CASD1: variants seen among roughly 807,000 people sequenced by gnomAD.
The protein encoded by CASD1 is CAS1 domain sialic acid O acetyltransferase 1.
Under a neutral mutation model 100.0 loss-of-function variants are expected in CASD1, and 41 were observed. That is an observed-to-expected ratio of 0.41 (90% CI 0.32 to 0.53). CASD1 has a LOEUF of 0.53. Among genes scored for constraint, CASD1 ranks in the 20% least tolerant of loss-of-function variants. The pLI, the probability that CASD1 is intolerant of heterozygous loss-of-function variation, is 0.25. For missense variants in CASD1, 774 were observed against 948.7 expected (o/e 0.82, Z 2.42); for synonymous variants, 321 against 315.6 (o/e 1.02, Z -0.18).
chr7:94,567,100 C>T, the CASD1 span, among the ~76,000 whole-genome samples: 1 of 151,970 alleles, frequency 6.6e-6, no homozygotes, highest in South Asian at 2.1e-4. Flanking sequence ...TTTAGTCTTA[C>T]TGCTTCCATC....
Position 94,533,208 on chromosome 7 carries a change from T to A in CASD1, c.463T>A (p.Ser155Thr). ...ATAAAGATTTGTCTTCCTTTAGGAT[T>A]CCATTGCAAAGCCACATGTGATTGT... ...KQCIKVWTEDSIAKPHVIVAG... is the reference protein window; with the variant it reads ...KQCIKVWTEDTIAKPHVIVAG... Residue 155 changes from serine (S) to threonine (T), a missense_variant, in exon 6 of 18, where the codon TCC becomes ACC. Transcript: ENST00000297273. 6.2e-7 allele frequency: 1 copy of A among 1,606,928 alleles called. No individual in the cohort carries two copies. The highest frequency in any genetic ancestry group is 8.5e-7 in the Non-Finnish European group (1 of 1,174,988).
chr7:94,521,970 A>C (rs1339778458), intron 3 of CASD1, among the ~76,000 whole-genome samples: 1 of 152,208 alleles, frequency 6.6e-6, no homozygotes, highest in Non-Finnish European at 1.5e-5. Flanking sequence ...CTGTAGTCCC[A>C]GCTATCGGGA....
Position 94,509,887 on chromosome 7 carries a change from G to A in CASD1, c.-198G>A. The A allele has an allele frequency of 6.6e-6, 7 of 1,055,204 alleles. No individual in the cohort carries two copies. The highest frequency in any genetic ancestry group is 8.0e-6 in the Non-Finnish European group (7 of 875,494). The allele number at this position is 1,055,204 out of a possible 1,614,324, so 65.4% of individuals were successfully genotyped here. On this transcript the variant is annotated 5_prime_UTR_variant, in exon 1 of 18. Transcript: ENST00000297273. ...GGGCTGGGGGGAGGCCGCCGAGTCG[G>A]CCGCGGCCGAGGAGGGGCAGGCGGA...
chr7:94,547,805 A>G (rs1277394002), intron 13 of CASD1, among the ~76,000 whole-genome samples: 2 of 151,788 alleles, frequency 1.3e-5, no homozygotes, highest in Non-Finnish European at 2.9e-5. Context: ...ACACATTTTA[A>G]TTCAAATGCC....
the CASD1 span, among the ~76,000 whole-genome samples, chr7:94,581,988 A>C: frequency 6.6e-6 from 1 of 152,098 alleles, no homozygotes; most frequent in Non-Finnish European, 1.5e-5. Flanking sequence ...TTACACTCCC[A>C]CCAACAGTGT....
chr7:94,522,213 T>C (rs987063424), intron 3 of CASD1, among the ~76,000 whole-genome samples: 1 of 152,058 alleles, frequency 6.6e-6, no homozygotes, highest in African/African-American at 2.4e-5. Context: ...AAAAGACATA[T>C]TTAAAATAAG....
At chr7:94,541,767 G>T (rs1250513920) in intron 10 of CASD1, among the ~76,000 whole-genome samples, 1 of 151,776 alleles carries the variant, frequency 6.6e-6, no homozygotes, top group Non-Finnish European at 1.5e-5. Context: ...TTTGAATATG[G>T]ATCATACAGT....
chr7:94,535,179 A>G (rs145060124), intron 7 of CASD1, 130 bp from the exon 8 acceptor site: 6 of 658,640 alleles, frequency 9.1e-6, no homozygotes, highest in African/African-American at 3.6e-5. Context: ...AAAATGAACT[A>G]TTAGGTACCT....
At chr7:94,531,949 T>C (rs1434768161) in intron 5 of CASD1, among the ~76,000 whole-genome samples, 1 of 152,128 alleles carries the variant, frequency 6.6e-6, no homozygotes, top group Non-Finnish European at 1.5e-5. Context: ...AATATCATCT[T>C]GCCTGCCCCA....
chr7:94,632,020 G>A, the CASD1 span, among the ~76,000 whole-genome samples: 16 of 152,088 alleles, frequency 1.1e-4, no homozygotes, highest in African/African-American at 3.9e-4. Context: ...GAATGGATGA[G>A]TACATTCTAA....
chr7:94,605,514 G>A, the CASD1 span, among the ~76,000 whole-genome samples: 1 of 151,242 alleles, frequency 6.6e-6, no homozygotes, highest in South Asian at 2.1e-4. Context: ...ATAAATGACA[G>A]CAATGATACA....
At chr7:94,616,305 G>A in the CASD1 span, among the ~76,000 whole-genome samples, 1 of 152,030 alleles carries the variant, frequency 6.6e-6, no homozygotes, top group Non-Finnish European at 1.5e-5. Context: ...CTTATTACTT[G>A]TGGCTGACAT....
At chr7:94,524,913 A>G (rs1794480757) in intron 3 of CASD1, among the ~76,000 whole-genome samples, 1 of 152,200 alleles carries the variant, frequency 6.6e-6, no homozygotes, top group African/African-American at 2.4e-5. Context: ...TATAAGAGCT[A>G]TATAAAGGAT....
At chr7:94,554,802 A>G (rs1796123041) in intron 17 of CASD1, among the ~76,000 whole-genome samples, 1 of 152,126 alleles carries the variant, frequency 6.6e-6, no homozygotes, top group South Asian at 2.1e-4. Context: ...CTAGATATAG[A>G]TTACTTGCAA....
At chr7:94,603,206 TA>T in the CASD1 span, 1 of 1,072,994 alleles carries the variant, frequency 9.3e-7, no homozygotes, top group Non-Finnish European at 1.4e-6. Context: ...GATTTATTCC[TA>T]AAAGCAGTTC....
intron 11 of CASD1, 40 bp from the exon 12 acceptor site, chr7:94,545,505 A>C: frequency 6.5e-7 from 1 of 1,527,854 alleles, no homozygotes; most frequent in Non-Finnish European, 9.0e-7. Flanking sequence ...AATGAAAACA[A>C]TTACTTAGAA....
chr7:94,599,349 T>A, the CASD1 span: 3 of 309,116 alleles, frequency 9.7e-6, no homozygotes, highest in African/African-American at 6.5e-5. Flanking sequence ...TTATGGTAGG[T>A]TATTACTGTA....
chr7:94,586,815 A>G, the CASD1 span: 1 of 984,882 alleles, frequency 1.0e-6, no homozygotes, highest in African/African-American at 1.7e-5. Flanking sequence ...ATTTAGTTTT[A>G]AATGTACCAG....
At chr7:94,581,122 G>A in the CASD1 span, among the ~76,000 whole-genome samples, 20,780 of 152,134 alleles carry the variant, frequency 0.14, 4,673 homozygotes, top group African/African-American at 0.47. Flanking sequence ...CATGACCAGT[G>A]CTGTGTCTCC....
Sources: allele counts gnomAD v4.1 joint callset (sites outside exome capture counted in the v4.1 genomes callset), GRCh38; gene constraint gnomAD v4.1.1; transcripts MANE v1.5; gene names NCBI Gene and HGNC (gene_info 2026-07-23, HGNC 2026-07-21).